Variants in VWC2 observed in about 807,000 individuals in gnomAD.
VWC2 encodes the protein von Willebrand factor C domain containing 2.
A neutral mutation model predicts 29.8 loss-of-function variants in VWC2; 14 were observed. The ratio of observed to expected loss-of-function variants is 0.47; its 90% confidence interval spans 0.31 to 0.74. VWC2 has a LOEUF of 0.74. VWC2 is among the 30% of genes least tolerant of loss of function. The probability of loss-of-function intolerance (pLI) is 0.05; values close to 1 mark genes in which losing one functional copy is unlikely to be tolerated. For synonymous variants in VWC2, 213 were observed against 199.0 expected (o/e 1.07, Z -0.59); for missense variants, 457 against 459.8 (o/e 0.99, Z 0.05).
At chr7:49,792,539 A>G (rs1316189305) in intron 2 of VWC2, among the ~76,000 whole-genome samples, 1 of 152,204 alleles carries the variant, frequency 6.6e-6, no homozygotes, top group Non-Finnish European at 1.5e-5. Flanking sequence ...CTCAGGAAGG[A>G]AAAAGGACTG....
intron 3 of VWC2, among the ~76,000 whole-genome samples, chr7:49,836,358 G>A (rs929706983): frequency 6.6e-6 from 1 of 151,736 alleles, no homozygotes; most frequent in Admixed American, 6.6e-5. Context: ...ACTGGGCATG[G>A]TGACTCAGGC....
intron 3 of VWC2, among the ~76,000 whole-genome samples, chr7:49,838,481 T>A (rs1789716392): frequency 6.6e-6 from 1 of 151,736 alleles, no homozygotes; most frequent in Non-Finnish European, 1.5e-5. Context: ...ATCTTGTCAG[T>A]GGAGGATGGG....
intron 3 of VWC2, among the ~76,000 whole-genome samples, chr7:49,888,866 G>A (rs149663619): frequency 3.3e-5 from 5 of 152,124 alleles, no homozygotes; most frequent in East Asian, 1.9e-4. Flanking sequence ...AGCTGAGATC[G>A]CACCATCACA....
chr7:49,801,764 T>C (rs1788743341), intron 2 of VWC2, among the ~76,000 whole-genome samples: 1 of 152,252 alleles, frequency 6.6e-6, no homozygotes, highest in Non-Finnish European at 1.5e-5. Flanking sequence ...GACATGCCCA[T>C]GGCATGTTGC....
chr7:49,848,319 C>T (rs1198881181), intron 3 of VWC2, among the ~76,000 whole-genome samples: 2 of 152,216 alleles, frequency 1.3e-5, no homozygotes, highest in Non-Finnish European at 2.9e-5. Flanking sequence ...TTTCCAGGAT[C>T]TTCTCTCTCC....
intron 2 of VWC2, among the ~76,000 whole-genome samples, chr7:49,782,633 CCAG>C (rs1158557435): frequency 3.3e-5 from 5 of 150,984 alleles, no homozygotes; most frequent in African/African-American, 1.2e-4. Context: ...TGACTTGAGT[CCAG>C]GAGTTCAAGC....
intron 2 of VWC2, among the ~76,000 whole-genome samples, chr7:49,790,490 C>T (rs773605952): frequency 6.6e-5 from 10 of 152,176 alleles, no homozygotes; most frequent in Non-Finnish European, 1.5e-4. Context: ...ATGGCACAGG[C>T]AGCAGCGTCT....
chr7:49,905,567 G>C (rs1404374570), intron 3 of VWC2, among the ~76,000 whole-genome samples: 3 of 152,160 alleles, frequency 2.0e-5, no homozygotes, highest in Non-Finnish European at 4.4e-5. Context: ...TTATTTGTGT[G>C]CATTGTACTT....
chr7:49,795,878 C>A lies in VWC2; in HGVS notation c.697-6833C>A, dbSNP rs575612809. Among the ~76,000 whole-genome samples, 4 of 152,246 alleles carry A rather than the reference C, an allele frequency of 2.6e-5. No individual in the cohort carries two copies. In the South Asian group the frequency reaches 8.3e-4, roughly 32 times the overall value. On this transcript the variant is annotated intron_variant, in intron 2 of 3. Coordinates refer to ENST00000340652, the MANE Select transcript of VWC2 (RefSeq NM_198570.5). ...TGAGTCTAGGTCACCACACTGTCTGCACACATAGGGGTTAAGAACCTCAGT... is the reference window on the plus strand; with the variant it reads ...TGAGTCTAGGTCACCACACTGTCTGAACACATAGGGGTTAAGAACCTCAGT...
rs1792996252 is a variant in VWC2, at chr7:49,904,777, C to T, written c.827-7257C>T. ...TTGAGATGGAGTATCACTCTGTCGCCCAGGTTGGAGTGCAGTGGCGCGATC... is the reference window on the plus strand; with the variant it reads ...TTGAGATGGAGTATCACTCTGTCGCTCAGGTTGGAGTGCAGTGGCGCGATC... On this transcript the variant is annotated intron_variant, in intron 3 of 3. Coordinates refer to ENST00000340652, the MANE Select transcript of VWC2 (RefSeq NM_198570.5). 6.0e-5 allele frequency among the ~76,000 whole-genome samples: 9 copies of T among 150,298 alleles called. 1 individual carries two copies. In the South Asian group the frequency reaches 1.9e-3, roughly 32 times the overall value.
intron 3 of VWC2, among the ~76,000 whole-genome samples, chr7:49,826,697 A>G (rs988937506): frequency 1.3e-5 from 2 of 152,222 alleles, no homozygotes; most frequent in African/African-American, 4.8e-5. Context: ...GTCTTGTTGT[A>G]TACTACAAAT....
At chr7:49,844,432 T>A (rs1321396177) in intron 3 of VWC2, among the ~76,000 whole-genome samples, 2 of 152,208 alleles carry the variant, frequency 1.3e-5, no homozygotes, top group East Asian at 3.8e-4. Flanking sequence ...ACTATAGATA[T>A]GAAAGCTTCT....
At chr7:49,810,024 G>A (rs1172196459) in intron 3 of VWC2, among the ~76,000 whole-genome samples, 3 of 151,930 alleles carry the variant, frequency 2.0e-5, no homozygotes, top group Non-Finnish European at 4.4e-5. Context: ...GAGAGAAAGA[G>A]AAGGCAGGAG....
intron 3 of VWC2, among the ~76,000 whole-genome samples, chr7:49,870,377 G>C (rs2128723047): frequency 6.6e-6 from 1 of 152,298 alleles, no homozygotes; most frequent in East Asian, 1.9e-4. Context: ...TCCACCCTGG[G>C]TGACGCAGTG....
intron 2 of VWC2, among the ~76,000 whole-genome samples, chr7:49,783,115 A>C (rs546039477): frequency 6.6e-6 from 1 of 152,276 alleles, no homozygotes; most frequent in South Asian, 2.1e-4. Context: ...TTTTCCATAA[A>C]ACATTACCTC....
At chr7:49,909,403 G>A (rs558709560) in intron 3 of VWC2, among the ~76,000 whole-genome samples, 8 of 152,260 alleles carry the variant, frequency 5.3e-5, no homozygotes, top group East Asian at 1.9e-4. Flanking sequence ...GGCACCATCC[G>A]AATGGTCACT....
chr7:49,877,482 ATATATATAT>A (rs1435242385), intron 3 of VWC2, among the ~76,000 whole-genome samples: 363 of 20,336 alleles, frequency 0.018, 74 homozygotes, highest in African/African-American at 0.052. Flanking sequence ...AAAAAAAAAA[ATATATATAT>A]ATATATATAT....
At chr7:49,848,543 C>A (rs1015152863) in intron 3 of VWC2, among the ~76,000 whole-genome samples, 2 of 152,232 alleles carry the variant, frequency 1.3e-5, no homozygotes, top group Admixed American at 6.5e-5. Flanking sequence ...TAGCTGTGGT[C>A]TGCTCTCTCG....
At chr7:49,885,337 C>A (rs1240043686) in intron 3 of VWC2, among the ~76,000 whole-genome samples, 1 of 151,868 alleles carries the variant, frequency 6.6e-6, no homozygotes, top group African/African-American at 2.4e-5. Context: ...TAAACCACAA[C>A]CTAATTTTTA....
Sources: gnomAD v4.1 joint callset for allele counts (sites outside exome capture counted in the v4.1 genomes callset) on GRCh38, gnomAD v4.1.1 for gene constraint, MANE v1.5 for transcripts, NCBI Gene and HGNC (gene_info 2026-07-23, HGNC 2026-07-21) for gene names.